The following IFT74 variants were observed in gnomAD, a reference collection of about 807,000 sequenced individuals.
The protein encoded by IFT74 is intraflagellar transport protein 74 homolog.
A neutral mutation model predicts 96.7 loss-of-function variants in IFT74; 92 were observed. That is an observed-to-expected ratio of 0.95 (90% CI 0.80 to 1.13). The LOEUF is 1.13. IFT74 is among the 50% of genes most tolerant of loss of function. The pLI is 0.00. For synonymous variants in IFT74, 223 were observed against 213.2 expected (o/e 1.05, Z -0.40); for missense variants, 811 against 698.2 (o/e 1.16, Z -1.82).
intron 19 of IFT74, 118 bp from the exon 20 acceptor site, chr9:27,062,500 A>G (rs1043286546): frequency 4.9e-6 from 3 of 609,352 alleles, no homozygotes; most frequent in African/African-American, 1.9e-5. Context: ...ATTTTAAAGT[A>G]TTCTAATTGT....
At chr9:26,961,178 C>T (rs1014320229) in intron 1 of IFT74, among the ~76,000 whole-genome samples, 1 of 150,120 alleles carries the variant, frequency 6.7e-6, no homozygotes, top group Non-Finnish European at 1.5e-5. Context: ...GCAAACTCTG[C>T]TTCCCAGGTT....
At chr9:27,000,189 G>A (rs899475208) in intron 8 of IFT74, among the ~76,000 whole-genome samples, 20 of 152,052 alleles carry the variant, frequency 1.3e-4, no homozygotes, top group African/African-American at 3.6e-4. Context: ...TGAAGAATGA[G>A]ACTGATTTCT....
At chr9:27,023,569 T>G (rs535301533) in intron 12 of IFT74, among the ~76,000 whole-genome samples, 3 of 152,326 alleles carry the variant, frequency 2.0e-5, no homozygotes, top group Non-Finnish European at 4.4e-5. Context: ...AATTTTTTTT[T>G]GAGGATTTTT....
chr9:26,988,431 T>A (rs552582412), intron 6 of IFT74, among the ~76,000 whole-genome samples: 1 of 152,362 alleles, frequency 6.6e-6, no homozygotes, highest in South Asian at 2.1e-4. Context: ...AAGAGTTGTT[T>A]ATTACTGCTC....
rs539713403 is a variant in IFT74, at chr9:27,057,857, C to CA, written c.1623+1408dup. Reference sequence around the variant, plus strand: ...TGGGTGACAGAGCGAGACTCTGTCTCAAAAAAAAAACAAAACTCTCTTTTT... The same window carrying CA: ...TGGGTGACAGAGCGAGACTCTGTCTCAAAAAAAAAAACAAAACTCTCTTTTT... On this transcript the variant is annotated intron_variant, in intron 18 of 19. Coordinates refer to ENST00000380062, the MANE Select transcript of IFT74 (RefSeq NM_025103.4). Among the ~76,000 whole-genome samples, 750 of 134,740 alleles carry CA rather than the reference C, an allele frequency of 5.6e-3. 6 individuals are homozygous for CA. Among genetic ancestry groups the CA allele is most frequent in the African/African-American group, 0.017 (620 of 36,486 alleles). 88.4% of individuals were successfully genotyped at this position (134,740 alleles called of 152,430 possible).
At chr9:27,036,386 CT>C (rs1468156885) in intron 13 of IFT74, 3 of 1,581,834 alleles carry the variant, frequency 1.9e-6, no homozygotes, top group African/African-American at 2.7e-5. Context: ...TATATGTACT[CT>C]TTTTACCACA....
At chr9:26,961,802 A>G (rs1465225611) in intron 1 of IFT74, 147 bp from the exon 2 acceptor site, 5 of 672,622 alleles carry the variant, frequency 7.4e-6, no homozygotes, top group Non-Finnish European at 1.2e-5. Flanking sequence ...ACGATGTCAT[A>G]TTTGAACAAA....
intron 1 of IFT74, among the ~76,000 whole-genome samples, chr9:26,956,717 C>T (rs1413209940): frequency 6.6e-6 from 1 of 151,332 alleles, no homozygotes; most frequent in Non-Finnish European, 1.5e-5. Context: ...CAGCCCGACC[C>T]CTCCCCGACC....
At chr9:26,983,207 TA>T (rs1827464271) in intron 4 of IFT74, among the ~76,000 whole-genome samples, 1 of 152,148 alleles carries the variant, frequency 6.6e-6, no homozygotes, top group African/African-American at 2.4e-5. Flanking sequence ...CTAAGAGTAG[TA>T]AGAAAGATAG....
intron 2 of IFT74, among the ~76,000 whole-genome samples, chr9:26,973,590 T>G (rs1159889781): frequency 6.6e-6 from 1 of 152,224 alleles, no homozygotes; most frequent in Non-Finnish European, 1.5e-5. Context: ...GAAGGCCTAT[T>G]CCTAATTTTA....
rs1344274731 is a variant in IFT74, at chr9:27,065,942, A to G, written c.*3206A>G. Reference sequence around the variant, plus strand: ...GTTTACAGTTTGATAACTGAAAAACATTTTTAAAAAGGCAATTTTTAATAC... The same window carrying G: ...GTTTACAGTTTGATAACTGAAAAACGTTTTTAAAAAGGCAATTTTTAATAC... On this transcript the variant is annotated 3_prime_UTR_variant, in exon 20 of 20. Coordinates refer to ENST00000380062, the MANE Select transcript of IFT74 (RefSeq NM_025103.4). 6.6e-6 allele frequency among the ~76,000 whole-genome samples: 1 copy of G among 152,214 alleles called. No homozygotes were observed. Among genetic ancestry groups the G allele is most frequent in the East Asian group, 1.9e-4 (1 of 5,196 alleles).
chr9:27,017,126 AT>A (rs1829384908), intron 11 of IFT74, 76 bp downstream of exon 11: 1 of 1,213,640 alleles, frequency 8.2e-7, no homozygotes. Context: ...TTAAAGGGAT[AT>A]TAATGCAAGT....
intron 1 of IFT74, among the ~76,000 whole-genome samples, chr9:26,948,544 C>G (rs1319537644): frequency 7.1e-6 from 1 of 140,130 alleles, no homozygotes; most frequent in Non-Finnish European, 1.5e-5. Context: ...TCTCGGCTCA[C>G]TGCAACCCTC....
chr9:27,017,107 T>G, intron 11 of IFT74, 57 bp downstream of exon 11: 5 of 1,465,672 alleles, frequency 3.4e-6, no homozygotes, highest in Non-Finnish European at 4.6e-6. Flanking sequence ...ATGTATTGAT[T>G]TGTTTTTTTT....
At chr9:26,947,251 C>T in intron 1 of IFT74, 1 of 563,152 alleles carries the variant, frequency 1.8e-6, no homozygotes, top group Non-Finnish European at 3.1e-6. Flanking sequence ...CTGACAGGCA[C>T]TCCGGAATTC....
intron 1 of IFT74, among the ~76,000 whole-genome samples, chr9:26,958,738 C>G (rs1192529423): frequency 2.0e-5 from 3 of 152,114 alleles, no homozygotes. Context: ...TGGATATAAA[C>G]ACCGCAAGCT....
upstream of IFT74, among the ~76,000 whole-genome samples, chr9:26,951,855 T>A (rs1217871395): frequency 1.9e-4 from 29 of 151,932 alleles, no homozygotes; most frequent in Admixed American, 1.9e-3. Flanking sequence ...CCGAGATAGC[T>A]CCACTCCACT....
At chr9:27,016,542 A>G (rs1829352932) in intron 10 of IFT74, among the ~76,000 whole-genome samples, 1 of 152,198 alleles carries the variant, frequency 6.6e-6, no homozygotes. Context: ...TCTTCTCTCC[A>G]AAGATCACTT....
At chr9:27,058,699 T>G (rs1820284892) in intron 18 of IFT74, among the ~76,000 whole-genome samples, 2 of 152,220 alleles carry the variant, frequency 1.3e-5, no homozygotes, top group African/African-American at 4.8e-5. Context: ...TTGGTGACAT[T>G]TCTATAGCAT....
Sources: gnomAD v4.1 joint callset for allele counts (sites outside exome capture counted in the v4.1 genomes callset) on GRCh38, gnomAD v4.1.1 for gene constraint, MANE v1.5 for transcripts, NCBI Gene and HGNC (gene_info 2026-07-23, HGNC 2026-07-21) for gene names.